CARD14: variants seen among roughly 807,000 people sequenced by gnomAD.
CARD14 encodes caspase recruitment domain family member 14.
In CARD14, 107 loss-of-function variants were observed where a neutral mutation model predicts 111.5. That is an observed-to-expected ratio of 0.96 (90% CI 0.82 to 1.13). The LOEUF (loss-of-function observed/expected upper bound fraction) is 1.13. CARD14 is among the 50% of genes most tolerant of loss of function. The pLI, the probability that CARD14 is intolerant of heterozygous loss-of-function variation, is 0.00. For missense variants in CARD14, 1,322 were observed against 1,362.3 expected (o/e 0.97, Z 0.47); for synonymous variants, 617 against 579.6 (o/e 1.06, Z -0.93).
At chr17:80,190,724 G>A (rs1322716953) in intron 9 of CARD14, 50 bp from the exon 10 acceptor site, 4 of 1,604,838 alleles carry the variant, frequency 2.5e-6, no homozygotes, top group Non-Finnish European at 3.4e-6. Flanking sequence ...TCTAAGGCCA[G>A]ACCCTCAGAG....
Position 80,208,385 on chromosome 17 carries a change from T to G in CARD14, c.*40T>G, listed in dbSNP as rs1384620277. On this transcript the variant is annotated 3_prime_UTR_variant, in exon 24 of 24. Transcript: ENST00000648509. ...TCCCGGGACTGTGGGGGCTTCTGTG[T>G]GCCTGTTAATGCAGTCCTGTTCCTC... is the stretch of plus-strand genomic sequence containing the variant. 2.0e-6 allele frequency: 3 copies of G among 1,498,512 alleles called. No homozygotes were observed. The highest frequency in any genetic ancestry group is 2.0e-5 in the Admixed American group (1 of 50,306). The allele number at this position is 1,498,512 out of a possible 1,614,324, so 92.8% of individuals were successfully genotyped here.
chr17:80,192,477 C>T (rs148343429), intron 11 of CARD14, 26 bp from the exon 12 acceptor site: 3 of 1,586,920 alleles, frequency 1.9e-6, no homozygotes, highest in African/African-American at 1.3e-5. Flanking sequence ...CCGAATTAAC[C>T]AGCCTGTCTG....
chr17:80,177,810 G>A (rs1179164333), intron 2 of CARD14, among the ~76,000 whole-genome samples: 2 of 152,048 alleles, frequency 1.3e-5, no homozygotes, highest in Non-Finnish European at 2.9e-5. Context: ...CTTTCAAAGT[G>A]TGGGATTACA....
At chr17:80,204,914 TG>T in intron 20 of CARD14, 120 bp from the exon 21 acceptor site, 1 of 832,328 alleles carries the variant, frequency 1.2e-6, no homozygotes, top group Non-Finnish European at 1.8e-6. Context: ...CCTGTGCCCC[TG>T]GAATTCTAGG....
In CARD14 at chr17:80,202,167, C is replaced by G. The variant is rs377635873; in HGVS notation, c.1979-13C>G. ...TCTGTGGCTCATCTGTGGCTCATGTCCCCTTTTATCAGGTTATAAGAGGCT... is the reference window on the plus strand; with the variant it reads ...TCTGTGGCTCATCTGTGGCTCATGTGCCCTTTTATCAGGTTATAAGAGGCT... On this transcript the variant is annotated splice_polypyrimidine_tract_variant and intron_variant, in intron 17 of 23. Transcript: ENST00000648509. 14 of 1,600,430 alleles carry G rather than the reference C, an allele frequency of 8.7e-6. No individual in the cohort carries two copies. The African/African-American group carries it at 1.7e-4, about 20-fold the overall frequency.
rs533155144 is a variant in CARD14 at position 80,199,343 on chromosome 17, C to T, written c.1851+752C>T. ...TCTCTACTAAAAATGCAAAAATTAG[C>T]CAGGTGTGGTGGTGGGCGCCTGCAT... On this transcript the variant is annotated intron_variant, in intron 16 of 23. Transcript: ENST00000648509. 2.7e-5 allele frequency among the ~76,000 whole-genome samples: 4 copies of T among 150,680 alleles called. No individual in the cohort carries two copies. The South Asian group carries it at 8.4e-4, about 32-fold the overall frequency.
At chr17:80,183,113 G>T (rs113041761) in intron 6 of CARD14, among the ~76,000 whole-genome samples, 34 of 152,302 alleles carry the variant, frequency 2.2e-4, no homozygotes, top group African/African-American at 7.9e-4. Context: ...CCTGGAGTCC[G>T]CCTTTAACCT....
intron 2 of CARD14, among the ~76,000 whole-genome samples, chr17:80,173,995 A>G (rs112697301): frequency 1.9e-3 from 286 of 152,302 alleles, no homozygotes; most frequent in Non-Finnish European, 3.3e-3. Context: ...AAAATCCCCA[A>G]GATTCAGATA....
In CARD14 at chr17:80,191,313, T is replaced by C. The variant is rs778853453; in HGVS notation, c.1090-10T>C. ...TGGCGCGGCCTCCTTACTCCCGTCG[T>C]GGCCCACAGGCGTACTCCGCGAGGG... On this transcript the variant is annotated splice_polypyrimidine_tract_variant and intron_variant, in intron 10 of 23. Coordinates refer to ENST00000648509, the MANE Select transcript of CARD14 (RefSeq NM_001366385.1). 51 of 1,604,026 alleles carry C rather than the reference T, an allele frequency of 3.2e-5. No individual in the cohort carries two copies. In the African/African-American group the frequency reaches 6.5e-4, roughly 21 times the overall value.
intron 12 of CARD14, among the ~76,000 whole-genome samples, chr17:80,194,473 C>T (rs1008113468): frequency 1.3e-5 from 2 of 152,208 alleles, no homozygotes; most frequent in African/African-American, 4.8e-5. Context: ...ACTCTGAGTG[C>T]GGCCTCCCCT....
At chr17:80,192,821 C>T (rs182075607) in intron 12 of CARD14, among the ~76,000 whole-genome samples, 127 of 152,240 alleles carry the variant, frequency 8.3e-4, no homozygotes, top group African/African-American at 2.8e-3. Flanking sequence ...GATGTGATTT[C>T]GGCTCACTGC....
chr17:80,204,296 C>T lies in CARD14; in HGVS notation c.2353C>T (p.Arg785Cys), dbSNP rs146332779. The change falls in exon 20 of 24, where the codon CGT becomes TGT. Residue 785 changes from arginine to cysteine, a missense_variant. By Grantham distance (180) the Arg-to-Cys change is radical. Coordinates refer to ENST00000648509, the MANE Select transcript of CARD14 (RefSeq NM_001366385.1). The stretch of plus-strand genomic sequence containing the variant: ...GGACAAAGCCAAGGCCAGCCCTCTG[C>T]GTTTGTCCTTTGACAGGGGCCAGTT... Reference protein sequence around the residue: ...SMDKAKASPLRLSFDRGQLDP... With the variant: ...SMDKAKASPLCLSFDRGQLDP... 53 of 1,597,994 alleles carry T rather than the reference C, an allele frequency of 3.3e-5. No individual in the cohort carries two copies. The highest frequency in any genetic ancestry group is 5.4e-5 in the African/African-American group (4 of 74,598).
Position 80,195,570 on chromosome 17 carries a change from G to A in CARD14, c.1512G>A (p.Glu504=). 3 of 1,611,880 alleles carry A rather than the reference G, an allele frequency of 1.9e-6. No homozygotes were observed. Among genetic ancestry groups the A allele is most frequent in the Non-Finnish European group, 2.5e-6 (3 of 1,179,616 alleles). The change falls in exon 14 of 24, where the codon GAG becomes GAA. Residue 504 remains glutamate (E), a synonymous_variant. Coordinates refer to ENST00000648509, the MANE Select transcript of CARD14 (RefSeq NM_001366385.1). This position sits in a 1 kb window ranked among gnomAD's most constrained non-coding sequence, Gnocchi z 4.7. ...TTATGCTTTGCAGCAGCTGCCTGGA[G>A]ATCCCGGAGGGAGACCCGGGAGCCC... The part of the protein sequence containing the change: ...EEPWSFSSCL[E]IPEGDPGALP...
At position 80,207,035 on chromosome 17, in the gene CARD14, C is replaced by A; in HGVS notation, c.2757C>A (p.Phe919Leu). Residue 919 changes from phenylalanine to leucine, a missense_variant, in exon 23 of 24, where the codon TTC becomes TTA. By Grantham distance (22) the Phe-to-Leu change is conservative (BLOSUM62 0). Coordinates refer to ENST00000648509, the MANE Select transcript of CARD14 (RefSeq NM_001366385.1). ...SVCTLHRMDI[F>L]PIVIHVSVNE... ...GCACCCTGCACAGGATGGACATCTT[C>A]CCCATCGTCATCCACGTCTCTGTCA... 6.2e-7 allele frequency: 1 copy of A among 1,614,058 alleles called. No homozygotes were observed. The highest frequency in any genetic ancestry group is 8.5e-7 in the Non-Finnish European group (1 of 1,179,974).
chr17:80,175,951 C>G (rs1160327429), intron 2 of CARD14, among the ~76,000 whole-genome samples: 4 of 79,232 alleles, frequency 5.0e-5, no homozygotes, highest in Non-Finnish European at 6.9e-5. Context: ...GCTCTCGGAT[C>G]GTTTTTTTTT....
At position 80,201,874 on chromosome 17, in the gene CARD14, C is replaced by A. The variant is rs1230535982; in HGVS notation, c.1978+4C>A. The A allele has an allele frequency of 1.9e-6, 3 of 1,608,924 alleles. No individual in the cohort carries two copies. The Admixed American group carries it at 5.0e-5, about 27-fold the overall frequency. On this transcript the variant is annotated splice_donor_region_variant and intron_variant, in intron 17 of 23. Coordinates refer to ENST00000648509, the MANE Select transcript of CARD14 (RefSeq NM_001366385.1). The surrounding 1 kb of genome is among the most constrained non-coding windows in gnomAD (Gnocchi z 5.0). The stretch of plus-strand genomic sequence containing the variant: ...TCTGTGAAGGTCAACACGGACGGTA[C>A]ACATACCACTCCTCTCGTGTGCACA...
In CARD14 at chr17:80,201,555, C is replaced by T. The variant is rs755127394; in HGVS notation, c.1852-189C>T. 8.5e-5 allele frequency: 54 copies of T among 638,978 alleles called. No homozygotes were observed. The highest frequency in any genetic ancestry group is 1.2e-4 in the Non-Finnish European group (44 of 358,534). The allele number at this position is 638,978 out of a possible 1,614,324, so 39.6% of individuals were successfully genotyped here. A position where few individuals can be genotyped will look rare whatever the true frequency, so the allele number is the denominator to read the frequency against. The stretch of plus-strand genomic sequence containing the variant: ...TCTCTGGCCAGCACTATGTGTAGCA[C>T]GCATCACTAGAGGTGTGAAGGCCCC... On this transcript the variant is annotated intron_variant, in intron 16 of 23. Transcript: ENST00000648509. This position sits in a 1 kb window ranked among gnomAD's most constrained non-coding sequence, Gnocchi z 5.0.
intron 4 of CARD14, among the ~76,000 whole-genome samples, chr17:80,181,050 A>T (rs2040156806): frequency 6.6e-6 from 1 of 152,062 alleles, no homozygotes. Context: ...GGCGTGAGCC[A>T]ATACGCCTAG....
rs566366503 is a variant in CARD14 at position 80,195,128 on chromosome 17, C to A, written c.1357-63C>A. ...TGGCTCTCTCTACACCGTGGGGGAGCAAGGGAGGAGTCTCAGGGTGTCCTC... is the reference window on the plus strand; with the variant it reads ...TGGCTCTCTCTACACCGTGGGGGAGAAAGGGAGGAGTCTCAGGGTGTCCTC... On this transcript the variant is annotated intron_variant, in intron 12 of 23. Transcript: ENST00000648509. This position sits in a 1 kb window ranked among gnomAD's most constrained non-coding sequence, Gnocchi z 4.7. 4 of 1,530,924 alleles carry A rather than the reference C, an allele frequency of 2.6e-6. No individual in the cohort carries two copies. Among genetic ancestry groups the A allele is most frequent in the Non-Finnish European group, 2.6e-6 (3 of 1,134,230 alleles). The allele number at this position is 1,530,924 out of a possible 1,614,324, so 94.8% of individuals were successfully genotyped here.
Sources: gnomAD v4.1 joint callset for allele counts (sites outside exome capture counted in the v4.1 genomes callset) on GRCh38, gnomAD v4.1.1 for gene constraint, Gnocchi (gnomAD v3.1) non-coding constraint, MANE v1.5 for transcripts, NCBI Gene and HGNC (gene_info 2026-07-23, HGNC 2026-07-21) for gene names.